The following PEX14 variants were observed in gnomAD, a reference collection of about 807,000 sequenced individuals.
The protein encoded by PEX14 is peroxisomal biogenesis factor 14.
In PEX14, 15 loss-of-function variants were observed where a neutral mutation model predicts 49.5. The observed-to-expected ratio is 0.30, with a 90% CI of 0.20 to 0.47. PEX14 has a LOEUF of 0.47. Among genes scored for constraint, PEX14 ranks in the 20% least tolerant of loss-of-function variants. PEX14 has a pLI of 1.00. For missense variants in PEX14, 398 were observed against 494.8 expected (o/e 0.80, Z 1.86); for synonymous variants, 210 against 212.7 (o/e 0.99, Z 0.11).
intron 2 of PEX14, among the ~76,000 whole-genome samples, chr1:10,509,068 C>T (rs1349050519): frequency 1.3e-5 from 2 of 152,150 alleles, no homozygotes; most frequent in Admixed American, 1.3e-4. Context: ...TCCCGAGTAG[C>T]TGGGACTACA....
intron 3 of PEX14, among the ~76,000 whole-genome samples, chr1:10,545,122 G>A (rs1170705322): frequency 1.3e-5 from 2 of 151,962 alleles, no homozygotes; most frequent in African/African-American, 4.8e-5. Context: ...AATTTTTTTT[G>A]TTCTGGCTTT....
chr1:10,537,754 G>A (rs943835459), intron 3 of PEX14, among the ~76,000 whole-genome samples: 3 of 151,904 alleles, frequency 2.0e-5, no homozygotes, highest in African/African-American at 7.3e-5. Flanking sequence ...GTGTTTGCTC[G>A]GCACTTCCCC....
chr1:10,556,654 T>G (rs1384270297), intron 3 of PEX14, among the ~76,000 whole-genome samples: 1 of 152,180 alleles, frequency 6.6e-6, no homozygotes, highest in Non-Finnish European at 1.5e-5. Flanking sequence ...CTTCTACGGC[T>G]TCATTGTTAC....
intron 2 of PEX14, among the ~76,000 whole-genome samples, chr1:10,535,037 A>G (rs1289731048): frequency 6.6e-6 from 1 of 152,244 alleles, no homozygotes; most frequent in Admixed American, 6.5e-5. Context: ...GGATCTTAGA[A>G]AACTTCCTTA....
At chr1:10,538,439 A>G (rs1488583457) in intron 3 of PEX14, among the ~76,000 whole-genome samples, 1 of 152,216 alleles carries the variant, frequency 6.6e-6, no homozygotes, top group Non-Finnish European at 1.5e-5. Context: ...TTTATCCCGT[A>G]CTTAAACCTG....
chr1:10,563,109 G>T (rs1255939566), intron 3 of PEX14, among the ~76,000 whole-genome samples: 1 of 143,314 alleles, frequency 7.0e-6, no homozygotes, highest in African/African-American at 2.6e-5. Flanking sequence ...GTAGAGGCGG[G>T]GTTTCACCAT....
intron 2 of PEX14, among the ~76,000 whole-genome samples, chr1:10,521,756 G>A (rs547123561): frequency 6.6e-6 from 1 of 152,320 alleles, no homozygotes; most frequent in South Asian, 2.1e-4. Context: ...GAGGTTGAGT[G>A]AATACCATCC....
intron 5 of PEX14, 82 bp downstream of exon 5, chr1:10,618,499 G>A: frequency 2.8e-6 from 3 of 1,071,426 alleles, no homozygotes; most frequent in Non-Finnish European, 2.9e-6. Flanking sequence ...TCCCCTGCAT[G>A]GAGGCACTGC....
intron 1 of PEX14, among the ~76,000 whole-genome samples, chr1:10,491,883 A>T (rs570210451): frequency 2.0e-5 from 3 of 151,860 alleles, no homozygotes; most frequent in African/African-American, 7.2e-5. Context: ...GGGTTTCGCC[A>T]TGTTGGCCAG....
At chr1:10,561,501 G>A (rs1342776092) in intron 3 of PEX14, among the ~76,000 whole-genome samples, 1 of 152,214 alleles carries the variant, frequency 6.6e-6, no homozygotes, top group Non-Finnish European at 1.5e-5. Context: ...AGAACAGTTA[G>A]TAAGTAATGT....
intron 3 of PEX14, among the ~76,000 whole-genome samples, chr1:10,543,867 T>C (rs28435785): frequency 0.095 from 14,386 of 152,144 alleles, 1,808 homozygotes; most frequent in African/African-American, 0.29. Context: ...CCCAAAGCAT[T>C]GGAATTACAG....
intron 8 of PEX14, among the ~76,000 whole-genome samples, chr1:10,627,572 A>C (rs1304647311): frequency 6.6e-6 from 1 of 152,090 alleles, no homozygotes; most frequent in Admixed American, 6.5e-5. Flanking sequence ...GGTCTGTGGC[A>C]CACAAGTTTT....
At chr1:10,572,165 T>G (rs895630367) in intron 3 of PEX14, among the ~76,000 whole-genome samples, 1 of 152,276 alleles carries the variant, frequency 6.6e-6, no homozygotes, top group Middle Eastern at 3.4e-3. Flanking sequence ...GTATCTTGTT[T>G]ACTGACCTAT....
chr1:10,596,033 G>A (rs762942869), intron 3 of PEX14, among the ~76,000 whole-genome samples: 3 of 152,208 alleles, frequency 2.0e-5, no homozygotes, highest in Non-Finnish European at 4.4e-5. Flanking sequence ...CTAGGGCACC[G>A]GGATGTCCTA....
At chr1:10,546,433 C>T (rs1034018628) in intron 3 of PEX14, among the ~76,000 whole-genome samples, 6 of 151,794 alleles carry the variant, frequency 4.0e-5, no homozygotes, top group East Asian at 1.9e-4. Context: ...GGTGTGGTGA[C>T]GCTTACCTGT....
chr1:10,587,895 CTTTTTTTTT>C (rs762006360), intron 3 of PEX14, among the ~76,000 whole-genome samples: 1 of 54,388 alleles, frequency 1.8e-5, no homozygotes, highest in South Asian at 9.2e-4. Flanking sequence ...CACACATGTG[CTTTTTTTTT>C]TTTTTTTTTT....
intron 3 of PEX14, among the ~76,000 whole-genome samples, chr1:10,578,278 T>C (rs530730243): frequency 2.6e-5 from 4 of 152,258 alleles, no homozygotes; most frequent in African/African-American, 9.6e-5. Flanking sequence ...AGGTGGAGTC[T>C]TGTCAAGTTA....
intron 7 of PEX14, among the ~76,000 whole-genome samples, chr1:10,625,874 G>C (rs541632632): frequency 2.0e-5 from 3 of 152,310 alleles, no homozygotes; most frequent in African/African-American, 7.2e-5. Context: ...AGAGTCCCTC[G>C]AGCTGGCTTT....
intron 4 of PEX14, among the ~76,000 whole-genome samples, chr1:10,610,269 G>T (rs1427908177): frequency 6.8e-6 from 1 of 147,392 alleles, no homozygotes. Flanking sequence ...TATAGTGTTA[G>T]TTTTTTGGAG....
Sources: gnomAD v4.1 joint callset for allele counts (sites outside exome capture counted in the v4.1 genomes callset) on GRCh38, gnomAD v4.1.1 for gene constraint, MANE v1.5 for transcripts, NCBI Gene and HGNC (gene_info 2026-07-23, HGNC 2026-07-21) for gene names.